LARP1B: variants seen among roughly 807,000 people sequenced by gnomAD.
The protein encoded by LARP1B is la-related protein 1B.
Under a neutral mutation model 114.2 loss-of-function variants are expected in LARP1B, and 76 were observed. The ratio of observed to expected loss-of-function variants is 0.67; its 90% CI spans 0.55 to 0.81. The LOEUF is 0.81. Among genes scored for constraint, LARP1B ranks in the 30% least tolerant of loss-of-function variants. LARP1B has a pLI of 0.00. For missense variants in LARP1B, 1,014 were observed against 1,075.8 expected (o/e 0.94, Z 0.80); for synonymous variants, 345 against 348.0 (o/e 0.99, Z 0.10).
chr4:128,209,720 CAAAAAAAA>C (rs11293327), intron 19 of LARP1B, 128 bp from the exon 20 acceptor site: 14 of 492,242 alleles, frequency 2.8e-5, no homozygotes, highest in African/African-American at 1.8e-4. Context: ...GAGACTCCAT[CAAAAAAAA>C]AAAAAAAAAA....
At chr4:128,081,340 A>T (rs1770294534) in intron 4 of LARP1B, among the ~76,000 whole-genome samples, 1 of 150,026 alleles carries the variant, frequency 6.7e-6, no homozygotes, top group Non-Finnish European at 1.5e-5. Context: ...CAGCCTCCCA[A>T]AGTGCTAGGA....
At chr4:128,094,685 A>C (rs990847790) in intron 7 of LARP1B, among the ~76,000 whole-genome samples, 2 of 151,862 alleles carry the variant, frequency 1.3e-5, no homozygotes, top group Non-Finnish European at 2.9e-5. Flanking sequence ...AGGGAAGTTC[A>C]CATCTCACAG....
intron 12 of LARP1B, among the ~76,000 whole-genome samples, chr4:128,171,750 A>T (rs1288260429): frequency 6.6e-6 from 1 of 152,170 alleles, no homozygotes; most frequent in Non-Finnish European, 1.5e-5. Flanking sequence ...CTCATTGCCA[A>T]GGATATTTTC....
At chr4:128,205,148 C>T (rs1310786219) in intron 17 of LARP1B, among the ~76,000 whole-genome samples, 9 of 152,200 alleles carry the variant, frequency 5.9e-5, no homozygotes, top group African/African-American at 1.9e-4. Flanking sequence ...AGTTGGCAGT[C>T]CTGCATTTCT....
chr4:128,211,470 TCAG>T lies in LARP1B; in HGVS notation c.*1421_*1423del, dbSNP rs1158092079. ...AGTTATTTCTCATGATAAGTAATAATCAGCAGTTTTATAATATTTACTATTTGG... is the reference window on the plus strand; with the variant it reads ...AGTTATTTCTCATGATAAGTAATAATCAGTTTTATAATATTTACTATTTGG... On this transcript the variant is annotated 3_prime_UTR_variant, in exon 20 of 20. Transcript: ENST00000326639. 6 of 915,728 alleles carry T rather than the reference TCAG, an allele frequency of 6.6e-6. No individual in the cohort carries two copies. The African/African-American group carries it at 1.1e-4, about 16-fold the overall frequency. 56.7% of individuals were successfully genotyped at this position (915,728 alleles called of 1,614,324 possible). A position where few individuals can be genotyped will look rare whatever the true frequency, so the allele number is the denominator to read the frequency against.
chr4:128,166,958 CTCTCTCTCTCTCTA>C (rs1238788912), intron 12 of LARP1B, among the ~76,000 whole-genome samples: 47 of 113,644 alleles, frequency 4.1e-4, no homozygotes, highest in South Asian at 2.8e-3. Context: ...CTCTCTCTCT[CTCTCTCTCTCTCTA>C]TATATATATA....
intron 9 of LARP1B, among the ~76,000 whole-genome samples, chr4:128,114,128 A>G (rs976461638): frequency 6.6e-6 from 1 of 152,216 alleles, no homozygotes; most frequent in Admixed American, 6.5e-5. Flanking sequence ...TAATGGCTTT[A>G]GTATAGACCC....
chr4:128,167,741 C>T (rs767201649), intron 12 of LARP1B, among the ~76,000 whole-genome samples: 47 of 152,070 alleles, frequency 3.1e-4, no homozygotes, highest in Non-Finnish European at 8.8e-5. Flanking sequence ...AGTTAAGTTA[C>T]TGAACATTTC....
intron 9 of LARP1B, among the ~76,000 whole-genome samples, chr4:128,111,953 G>A (rs1231901464): frequency 1.3e-5 from 2 of 151,398 alleles, no homozygotes; most frequent in South Asian, 2.1e-4. Flanking sequence ...GCCTCCCAAA[G>A]TGCTGGGATT....
At position 128,098,280 on chromosome 4, in the gene LARP1B, G is replaced by A; in HGVS notation, c.763G>A (p.Gly255Ser). 1 of 1,613,802 alleles carries A rather than the reference G, an allele frequency of 6.2e-7. No homozygotes were observed. Among genetic ancestry groups the A allele is most frequent in the East Asian group, 2.2e-5 (1 of 44,856 alleles). ...QGFLPISLIAGFQRVQALTTN... is the reference protein window; with the variant it reads ...QGFLPISLIASFQRVQALTTN... ...TTTCTTGCCTATTTCCCTGATTGCT[G>A]GTTTTCAGCGTGTTCAGGCTCTCAC... Residue 255 changes from glycine to serine, a missense_variant, in exon 8 of 20, where the codon GGT (glycine) becomes AGT (serine). Physicochemically the swap from Gly to Ser is moderately conservative, Grantham distance 56. Transcript: ENST00000326639.
At chr4:128,185,870 G>T (rs1024068965) in intron 15 of LARP1B, among the ~76,000 whole-genome samples, 1 of 152,040 alleles carries the variant, frequency 6.6e-6, no homozygotes, top group African/African-American at 2.4e-5. Flanking sequence ...GTAGAGAGGG[G>T]TCTAGCTTCA....
intron 11 of LARP1B, among the ~76,000 whole-genome samples, chr4:128,156,877 A>T (rs1386346669): frequency 4.0e-5 from 6 of 151,528 alleles, no homozygotes; most frequent in East Asian, 3.9e-4. Flanking sequence ...AAAAAAAAAA[A>T]AAAAAAAAAA....
chr4:128,125,621 T>A (rs1367027295), intron 11 of LARP1B, among the ~76,000 whole-genome samples: 1 of 152,202 alleles, frequency 6.6e-6, no homozygotes, highest in South Asian at 2.1e-4. Flanking sequence ...GGCGCGTGCC[T>A]GTAGTCCCAG....
intron 7 of LARP1B, among the ~76,000 whole-genome samples, chr4:128,222,003 T>G (rs145308188): frequency 2.4e-3 from 370 of 152,352 alleles, no homozygotes; most frequent in African/African-American, 8.0e-3. Context: ...ACAAATTATC[T>G]CCAGGTATTG....
Position 128,211,109 on chromosome 4 carries a change from T to TA in LARP1B, c.*1063dup. ...TGGTAGTTTCAGTTTTTGTGAGATT[T>TA]AAAAAAATAAAGCACTTATTCTGAA... On this transcript the variant is annotated 3_prime_UTR_variant, in exon 20 of 20. Coordinates refer to ENST00000326639, the MANE Select transcript of LARP1B (RefSeq NM_018078.4). 2 of 900,668 alleles carry TA rather than the reference T, an allele frequency of 2.2e-6. No individual in the cohort carries two copies. Among genetic ancestry groups the TA allele is most frequent in the South Asian group, 1.0e-4 (2 of 19,372 alleles). The allele number at this position is 900,668 out of a possible 1,614,324, so 55.8% of individuals were successfully genotyped here. A position where few individuals can be genotyped will look rare whatever the true frequency, so the allele number is the denominator to read the frequency against.
intron 9 of LARP1B, among the ~76,000 whole-genome samples, chr4:128,113,097 TAGA>T (rs1477452420): frequency 1.3e-5 from 2 of 152,124 alleles, no homozygotes; most frequent in Non-Finnish European, 2.9e-5. Context: ...TGAATTGACT[TAGA>T]GGAGTTAATG....
intron 9 of LARP1B, chr4:128,107,863 TGTG>T: frequency 3.3e-6 from 5 of 1,531,896 alleles, no homozygotes; most frequent in Non-Finnish European, 4.4e-6. Context: ...GGAAAAAATG[TGTG>T]CTTAAACTTT....
chr4:128,182,888 T>C (rs1042395299), intron 15 of LARP1B, among the ~76,000 whole-genome samples: 1 of 152,168 alleles, frequency 6.6e-6, no homozygotes, highest in Non-Finnish European at 1.5e-5. Flanking sequence ...GTGGTCTGGA[T>C]AAAAGATCAA....
chr4:128,137,770 C>CATATATATATATATATAT (rs745646919), intron 11 of LARP1B, among the ~76,000 whole-genome samples: 1 of 141,320 alleles, frequency 7.1e-6, no homozygotes, highest in African/African-American at 2.7e-5. Context: ...TGTGTGTATA[C>CATATATATATATATATAT]ATATATATAT....
Sources: allele counts gnomAD v4.1 joint callset (sites outside exome capture counted in the v4.1 genomes callset), GRCh38; gene constraint gnomAD v4.1.1; transcripts MANE v1.5; gene names NCBI Gene and HGNC (gene_info 2026-07-23, HGNC 2026-07-21).